Variants in ARMH3 observed in about 807,000 individuals in gnomAD.
The protein encoded by ARMH3 is armadillo-like helical domain-containing protein 3.
A neutral mutation model predicts 99.1 loss-of-function variants in ARMH3; 60 were observed. The observed-to-expected ratio is 0.61, with a 90% CI of 0.49 to 0.75. ARMH3 has a LOEUF of 0.75. Among genes scored for constraint, ARMH3 ranks in the 30% least tolerant of loss-of-function variants. The probability of loss-of-function intolerance (pLI) is 0.00; values close to 1 mark genes in which losing one functional copy is unlikely to be tolerated. For missense variants in ARMH3, 679 were observed against 843.1 expected (o/e 0.81, Z 2.41); for synonymous variants, 285 against 292.8 (o/e 0.97, Z 0.27).
At chr10:101,918,682 T>G (rs990919833) in intron 23 of ARMH3, among the ~76,000 whole-genome samples, 11 of 152,232 alleles carry the variant, frequency 7.2e-5, no homozygotes, top group Admixed American at 6.5e-5. Context: ...ATACTATGCA[T>G]TTTTATGGAG....
intron 20 of ARMH3, among the ~76,000 whole-genome samples, chr10:101,958,436 G>A (rs188138291): frequency 3.9e-5 from 6 of 152,314 alleles, no homozygotes; most frequent in Non-Finnish European, 7.3e-5. Flanking sequence ...GTTTAGCAGT[G>A]CAGCTTCAGA....
chr10:101,921,569 T>A (rs1009813819), intron 23 of ARMH3, among the ~76,000 whole-genome samples: 1 of 152,160 alleles, frequency 6.6e-6, no homozygotes, highest in Non-Finnish European at 1.5e-5. Context: ...AGCAAAGATA[T>A]GGAATCAACC....
chr10:102,036,057 C>T (rs908595219), intron 2 of ARMH3, among the ~76,000 whole-genome samples: 2 of 151,688 alleles, frequency 1.3e-5, no homozygotes, highest in African/African-American at 4.8e-5. Context: ...CGCCCGGCCG[C>T]CCCGTCTGGG....
chr10:101,969,947 G>A (rs1213958028), intron 20 of ARMH3, among the ~76,000 whole-genome samples: 1 of 152,098 alleles, frequency 6.6e-6, no homozygotes, highest in East Asian at 1.9e-4. Context: ...AGAGTGAGAG[G>A]GTAACAACTG....
chr10:102,025,329 G>T, intron 5 of ARMH3, 81 bp from the exon 6 acceptor site: 1 of 1,084,896 alleles, frequency 9.2e-7, no homozygotes, highest in Non-Finnish European at 1.4e-6. Context: ...GTTATACAGG[G>T]TAATGTGAAT....
intron 19 of ARMH3, 152 bp from the exon 20 acceptor site, chr10:101,975,452 C>T (rs571830923): frequency 1.8e-5 from 9 of 494,278 alleles, no homozygotes; most frequent in Non-Finnish European, 2.6e-5. Flanking sequence ...AACTTCTGGC[C>T]GGGCATGGTG....
At chr10:101,916,309 T>C (rs960372173) in intron 23 of ARMH3, among the ~76,000 whole-genome samples, 1 of 152,132 alleles carries the variant, frequency 6.6e-6, no homozygotes, top group African/African-American at 2.4e-5. Context: ...CTCATCAGTA[T>C]ATAGATTTAT....
chr10:101,953,973 C>T (rs1174569519), intron 22 of ARMH3, among the ~76,000 whole-genome samples: 3 of 152,134 alleles, frequency 2.0e-5, no homozygotes, highest in Non-Finnish European at 2.9e-5. Context: ...GGGCAGGTTG[C>T]TTGAGCCCAG....
At chr10:101,995,445 A>C in intron 15 of ARMH3, 90 bp from the exon 16 acceptor site, 2 of 1,070,828 alleles carry the variant, frequency 1.9e-6, no homozygotes, top group Non-Finnish European at 2.8e-6. Flanking sequence ...TCATAAAAGG[A>C]AACATTCACA....
chr10:101,898,072 G>T (rs1238103586), intron 23 of ARMH3, among the ~76,000 whole-genome samples: 1 of 152,120 alleles, frequency 6.6e-6, no homozygotes, highest in Admixed American at 6.5e-5. Flanking sequence ...TAACAATGTA[G>T]GCAATATAGC....
rs74378585 is a variant in ARMH3, at chr10:101,899,942, G to T, written c.1782-10452C>A. On this transcript the variant is annotated intron_variant, in intron 23 of 25. Transcript: ENST00000370033. ...CATCTAGTTGCTTACTTTACCCAAT[G>T]ATCCAATGTAAATGGAGAAGAATGA... 9.3e-3 allele frequency among the ~76,000 whole-genome samples: 1,416 copies of T among 152,186 alleles called. 16 individuals are homozygous for T. Among genetic ancestry groups the T allele is most frequent in the African/African-American group, 0.032 (1,344 of 41,498 alleles).
intron 1 of ARMH3, among the ~76,000 whole-genome samples, chr10:102,053,568 T>C (rs1009821015): frequency 2.0e-5 from 3 of 151,966 alleles, no homozygotes; most frequent in African/African-American, 7.3e-5. Context: ...AATCTCCTAC[T>C]CATCCTTCAA....
At chr10:102,031,302 C>T (rs2067125872) in intron 4 of ARMH3, among the ~76,000 whole-genome samples, 1 of 152,158 alleles carries the variant, frequency 6.6e-6, no homozygotes, top group South Asian at 2.1e-4. Context: ...ATTATGAGGG[C>T]TATGTGAAAT....
chr10:101,894,768 G>A (rs2067778116), intron 23 of ARMH3, among the ~76,000 whole-genome samples: 1 of 152,004 alleles, frequency 6.6e-6, no homozygotes, highest in Non-Finnish European at 1.5e-5. Context: ...AGCTACTTGG[G>A]GGGCTGAGGC....
chr10:101,857,777 T>C (rs1162292332), intron 24 of ARMH3, among the ~76,000 whole-genome samples: 3 of 152,208 alleles, frequency 2.0e-5, no homozygotes, highest in Non-Finnish European at 2.9e-5. Flanking sequence ...AAATGCTCTA[T>C]AAACTTGGGC....
At chr10:101,954,871 T>G (rs756955638) in intron 22 of ARMH3, among the ~76,000 whole-genome samples, 1 of 152,212 alleles carries the variant, frequency 6.6e-6, no homozygotes, top group Non-Finnish European at 1.5e-5. Context: ...TATCTTCTCT[T>G]ATCTTGTTGC....
chr10:101,955,307 A>G (rs1370402891), intron 22 of ARMH3, among the ~76,000 whole-genome samples: 2 of 152,234 alleles, frequency 1.3e-5, no homozygotes, highest in African/African-American at 4.8e-5. Flanking sequence ...GGGTCCTTGT[A>G]GACATTGTTG....
chr10:102,014,176 C>T (rs1013381756), intron 8 of ARMH3, 152 bp from the exon 9 acceptor site: 4 of 599,050 alleles, frequency 6.7e-6, no homozygotes, highest in Non-Finnish European at 1.2e-5. Context: ...TGCCTGCTGA[C>T]TCCTCCCATT....
At chr10:101,970,667 AT>A (rs1253545680) in intron 20 of ARMH3, among the ~76,000 whole-genome samples, 1 of 151,946 alleles carries the variant, frequency 6.6e-6, no homozygotes, top group Non-Finnish European at 1.5e-5. Context: ...AAAAAAAAAA[AT>A]ACAAAAATAA....
Sources: allele counts gnomAD v4.1 joint callset (sites outside exome capture counted in the v4.1 genomes callset), GRCh38; gene constraint gnomAD v4.1.1; transcripts MANE v1.5; gene names NCBI Gene and HGNC (gene_info 2026-07-23, HGNC 2026-07-21).